Variants in GTPBP3 observed in about 807,000 individuals in gnomAD.
The protein encoded by GTPBP3 is 5-taurinomethyluridine-[tRNA] synthase subunit GTPB3, mitochondrial.
In GTPBP3, 35 loss-of-function variants were observed where a neutral mutation model predicts 42.0. The ratio of observed to expected loss-of-function variants is 0.83; its 90% confidence interval spans 0.64 to 1.10. GTPBP3 has a LOEUF of 1.10. Among genes scored for constraint, GTPBP3 ranks in the 50% least tolerant of loss-of-function variants. The probability of loss-of-function intolerance (pLI) is 0.00; values close to 1 mark genes in which losing one functional copy is unlikely to be tolerated. For missense variants in GTPBP3, 691 were observed against 685.2 expected, an observed-to-expected ratio of 1.01 and a Z score of -0.09; for synonymous variants, 332 against 314.9, an observed-to-expected ratio of 1.05 and a Z score of -0.58.
At chr19:17,336,500 C>T (rs539886301), upstream of GTPBP3, among the ~76,000 whole-genome samples, 2 of 151,846 alleles carry the variant, frequency 1.3e-5, no homozygotes, top group East Asian at 3.9e-4. Flanking sequence ...GAGACCCTGT[C>T]TCAAAAATAA....
chr19:17,338,663 G>A lies in GTPBP3; in HGVS notation c.513G>A (p.Ala171=), dbSNP rs772436276. ...ACCTTATCCACGCGGAAACAGAGGCGCAGCGGCGGCAGGCCCTCAGGCAGC... is the reference window on the plus strand; with the variant it reads ...ACCTTATCCACGCGGAAACAGAGGCACAGCGGCGGCAGGCCCTCAGGCAGC... The part of the protein sequence containing the change: ...LADLIHAETE[A]QRRQALRQLD... Residue 171 remains alanine (A), a synonymous_variant, in exon 4 of 9, where the codon GCG becomes GCA. Coordinates refer to ENST00000324894, the MANE Select transcript of GTPBP3 (RefSeq NM_032620.4). 6.2e-7 allele frequency: 1 copy of A among 1,613,700 alleles called. No individual in the cohort carries two copies. Among genetic ancestry groups the A allele is most frequent in the Admixed American group, 1.7e-5 (1 of 60,014 alleles).
intron 7 of GTPBP3, 24 bp from the exon 8 acceptor site, chr19:17,341,019 CG>C (rs1568367941): frequency 1.2e-6 from 2 of 1,603,230 alleles, no homozygotes; most frequent in Non-Finnish European, 1.7e-6. Context: ...CTGGGATCCC[CG>C]CTCAGTTGAC....
At chr19:17,340,359 C>A (rs1481895357) in intron 7 of GTPBP3, among the ~76,000 whole-genome samples, 1 of 152,004 alleles carries the variant, frequency 6.6e-6, no homozygotes, top group Non-Finnish European at 1.5e-5. Flanking sequence ...CTGATTAAGT[C>A]CTGCCCCCGG....
chr19:17,337,901 G>C, intron 1 of GTPBP3, 107 bp from the exon 2 acceptor site: 3 of 1,429,776 alleles, frequency 2.1e-6, no homozygotes, highest in African/African-American at 2.9e-5. Flanking sequence ...TCCCCCAGCC[G>C]CAGAACCCCC....
chr19:17,338,587 G>T lies in GTPBP3; in HGVS notation c.437G>T (p.Arg146Leu), dbSNP rs768956976. 25 of 1,614,060 alleles carry T rather than the reference G, an allele frequency of 1.5e-5. No individual in the cohort carries two copies. The highest frequency in any genetic ancestry group is 2.1e-5 in the Non-Finnish European group (25 of 1,179,946). Residue 146 changes from arginine to leucine, a missense_variant, in exon 4 of 9, where the codon CGG becomes CTG. Physicochemically the swap from Arg to Leu is moderately radical, Grantham distance 102. Coordinates refer to ENST00000324894, the MANE Select transcript of GTPBP3 (RefSeq NM_032620.4). ...GCGGAGGCAGGCGAGTTCACCAGAC[G>T]GGCGTTCGCCAATGGGAAGCTGAAC... ...RPAEAGEFTR[R>L]AFANGKLNLT... is the part of the protein sequence containing the mutation.
intron 7 of GTPBP3, among the ~76,000 whole-genome samples, chr19:17,339,914 T>C (rs1254014234): frequency 4.2e-5 from 1 of 23,924 alleles, no homozygotes; most frequent in South Asian, 9.0e-4. Context: ...GCCGAACTAT[T>C]TTTTTTTTTT....
chr19:17,338,173 T>G lies in GTPBP3; in HGVS notation c.219T>G (p.Leu73=), dbSNP rs769529392. The change falls in exon 2 of 9, where the codon CTT becomes CTG. Residue 73 remains leucine, a synonymous_variant. Transcript: ENST00000324894. ...RILTAPRDLP[L]ARHASLRLLS... is the part of the protein sequence containing the mutation. ...TCACAGCACCCCGAGACCTGCCCCT[T>G]GCTCGCCACGCCAGCCTGCGCCTGC... The G allele has an allele frequency of 6.3e-6, 10 of 1,592,188 alleles. No homozygotes were observed. In the African/African-American group the frequency reaches 6.7e-5, roughly 11 times the overall value.
chr19:17,339,555 C>T lies in GTPBP3; in HGVS notation c.930C>T (p.Gly310=), dbSNP rs748921047. 3.1e-6 allele frequency: 5 copies of T among 1,612,408 alleles called. No individual in the cohort carries two copies. Among genetic ancestry groups the T allele is most frequent in the African/African-American group, 2.7e-5 (2 of 75,002 alleles). The change falls in exon 7 of 9, where the codon GGC becomes GGT. Residue 310 remains glycine, a synonymous_variant. Transcript: ENST00000324894. ...GCGACACGGCTGGGTTGCGGGAGGGCGTGGGGCCCGTGGAGCAGGAGGGCG... is the reference window on the plus strand; with the variant it reads ...GCGACACGGCTGGGTTGCGGGAGGGTGTGGGGCCCGTGGAGCAGGAGGGCG... ...LLSDTAGLRE[G]VGPVEQEGVR...
upstream of GTPBP3, among the ~76,000 whole-genome samples, chr19:17,335,813 C>CTTGTTACAGATGTAATAACTA (rs1568364320): frequency 6.7e-6 from 1 of 149,644 alleles, no homozygotes; most frequent in African/African-American, 2.4e-5. Flanking sequence ...GCTTGCTGTA[C>CTTGTTACAGATGTAATAACTA]GCTTGTTACA....
In GTPBP3 at chr19:17,338,393, C is replaced by G. The variant is rs760317494; in HGVS notation, c.330C>G (p.Cys110Trp). 1.2e-6 allele frequency: 2 copies of G among 1,614,154 alleles called. No individual in the cohort carries two copies. The highest frequency in any genetic ancestry group is 2.7e-5 in the African/African-American group (2 of 75,060). Reference protein sequence around the residue: ...PGPQSFTGEDCVEFHVHGGPA... With the variant: ...PGPQSFTGEDWVEFHVHGGPA... ...CCCAGAGTTTCACCGGTGAGGACTG[C>G]GTGGAGTTCCACGTGCATGGAGGCC... The change falls in exon 3 of 9, where the codon TGC becomes TGG. Residue 110 changes from cysteine (C) to tryptophan (W), a missense_variant. Coordinates refer to ENST00000324894, the MANE Select transcript of GTPBP3 (RefSeq NM_032620.4).
rs1174615202 is a variant in GTPBP3, at chr19:17,341,536, C to T, written c.1312C>T (p.Leu438Phe). 1.2e-6 allele frequency: 2 copies of T among 1,613,722 alleles called. No individual in the cohort carries two copies. The highest frequency in any genetic ancestry group is 1.3e-5 in the African/African-American group (1 of 74,952). The change falls in exon 9 of 9, where the codon CTC (leucine) becomes TTC (phenylalanine). Residue 438 changes from leucine (L) to phenylalanine (F), a missense_variant. Leu to Phe is a conservative substitution (Grantham distance 22, BLOSUM62 0). Transcript: ENST00000324894. ...LLTRARHQHHLQGCLDALGHY... is the reference protein window; with the variant it reads ...LLTRARHQHHFQGCLDALGHY... Reference sequence around the variant, plus strand: ...GACCCGAGCAAGGCACCAGCACCACCTCCAGGGTTGCCTGGATGCCCTCGG... The same window carrying T: ...GACCCGAGCAAGGCACCAGCACCACTTCCAGGGTTGCCTGGATGCCCTCGG...
intron 8 of GTPBP3, 33 bp from the exon 9 acceptor site, chr19:17,341,445 G>T (rs749257259): frequency 1.3e-6 from 2 of 1,590,676 alleles, no homozygotes; most frequent in Non-Finnish European, 1.7e-6. Context: ...GTTGTAAAAG[G>T]TCGGGAGAGA....
Position 17,339,031 on chromosome 19 carries a change from G to T in GTPBP3, c.664+5G>T. 6.2e-7 allele frequency: 1 copy of T among 1,614,158 alleles called. No homozygotes were observed. Among genetic ancestry groups the T allele is most frequent in the East Asian group, 2.2e-5 (1 of 44,880 alleles). ...AGGAGGGGGTCCTGGAGCAAGGTGGGTCTACCTGGTGGTGGGGGAGGAAGA... is the reference window on the plus strand; with the variant it reads ...AGGAGGGGGTCCTGGAGCAAGGTGGTTCTACCTGGTGGTGGGGGAGGAAGA... On this transcript the variant is annotated splice_donor_5th_base_variant and intron_variant, in intron 5 of 8. Coordinates refer to ENST00000324894, the MANE Select transcript of GTPBP3 (RefSeq NM_032620.4).
At position 17,339,545 on chromosome 19, in the gene GTPBP3, T is replaced by TGCGGGAGGGCGTGGGGCCCGTGGA. The variant is rs1409727432; in HGVS notation, c.923_946dup (p.Arg308_Glu315dup). 6 of 1,613,296 alleles carry TGCGGGAGGGCGTGGGGCCCGTGGA rather than the reference T, an allele frequency of 3.7e-6. No individual in the cohort carries two copies. The highest frequency in any genetic ancestry group is 5.1e-6 in the Non-Finnish European group (6 of 1,179,832). ...GTGCTGCTGAGCGACACGGCTGGGT[T>TGCGGGAGGGCGTGGGGCCCGTGGA]GCGGGAGGGCGTGGGGCCCGTGGAG... On this transcript the variant is annotated inframe_insertion, in exon 7 of 9. Transcript: ENST00000324894.
chr19:17,339,249 G>A lies in GTPBP3; in HGVS notation c.791G>A (p.Ser264Asn). Reference sequence around the variant, plus strand: ...GGACCCCCCAATGCGGGCAAGAGCAGCCTAGTGAACCTGCTCAGTGAGTAG... The same window carrying A: ...GGACCCCCCAATGCGGGCAAGAGCAACCTAGTGAACCTGCTCAGTGAGTAG... ...VTGPPNAGKS[S>N]LVNLLSRKPV... The change falls in exon 6 of 9, where the codon AGC (serine) becomes AAC (asparagine). Residue 264 changes from serine (S) to asparagine (N), a missense_variant. By Grantham distance (46) the Ser-to-Asn change is conservative. Transcript: ENST00000324894. 6.2e-7 allele frequency: 1 copy of A among 1,608,078 alleles called. No individual in the cohort carries two copies.
intron 7 of GTPBP3, among the ~76,000 whole-genome samples, chr19:17,340,794 G>A (rs1348824023): frequency 1.7e-5 from 1 of 59,198 alleles, no homozygotes; most frequent in East Asian, 5.4e-4. Flanking sequence ...CCCCGCTCCC[G>A]CACCGTGACC....
At chr19:17,341,343 A>G in intron 8 of GTPBP3, 21 bp downstream of exon 8, 3 of 1,572,734 alleles carry the variant, frequency 1.9e-6, no homozygotes, top group Non-Finnish European at 2.6e-6. Context: ...TCCCACTCCC[A>G]GCCTCCCCTG....
At chr19:17,341,455 A>G in intron 8 of GTPBP3, 23 bp from the exon 9 acceptor site, 2 of 1,597,552 alleles carry the variant, frequency 1.3e-6, no homozygotes, top group Non-Finnish European at 8.6e-7. Context: ...GTCGGGAGAG[A>G]CCATGTCTCT....
At chr19:17,341,449 GGA>G in intron 8 of GTPBP3, 27 bp from the exon 9 acceptor site, 1 of 1,593,940 alleles carries the variant, frequency 6.3e-7, no homozygotes, top group Non-Finnish European at 8.6e-7. Flanking sequence ...TAAAAGGTCG[GGA>G]GAGACCATGT....
Sources: allele counts gnomAD v4.1 joint callset (sites outside exome capture counted in the v4.1 genomes callset), GRCh38; gene constraint gnomAD v4.1.1; transcripts MANE v1.5; gene names NCBI Gene and HGNC (gene_info 2026-07-23, HGNC 2026-07-21).